The following NTM variants were observed in gnomAD, a reference collection of about 807,000 sequenced individuals.
The protein encoded by NTM is IgLON family member 2.
In NTM, 13 loss-of-function variants were observed where a neutral mutation model predicts 42.1. That is an observed-to-expected ratio of 0.31 (90% confidence interval 0.20 to 0.49). NTM has a LOEUF of 0.49. NTM is among the 20% of genes least tolerant of loss of function. The probability of loss-of-function intolerance (pLI) is 0.99; values close to 1 mark genes in which losing one functional copy is unlikely to be tolerated. For synonymous variants in NTM, 187 were observed against 179.2 expected (o/e 1.04, Z -0.35); for missense variants, 373 against 452.8 (o/e 0.82, Z 1.60).
intron 2 of NTM, among the ~76,000 whole-genome samples, chr11:132,084,580 G>C (rs964039676): frequency 6.6e-6 from 1 of 152,122 alleles, no homozygotes; most frequent in African/African-American, 2.4e-5. Context: ...GTTAAATATG[G>C]TAGAGGTTTA....
intron 1 of NTM, among the ~76,000 whole-genome samples, chr11:131,633,313 CT>C: frequency 6.6e-6 from 1 of 152,240 alleles, no homozygotes; most frequent in Admixed American, 6.5e-5. Context: ...TTACCCATCC[CT>C]TATGTCCCAT....
At chr11:131,773,050 A>G (rs1480528272) in intron 1 of NTM, among the ~76,000 whole-genome samples, 1 of 152,260 alleles carries the variant, frequency 6.6e-6, no homozygotes, top group East Asian at 1.9e-4. Flanking sequence ...CCCTGATGTT[A>G]GAACAAAATA....
At chr11:131,371,229 C>T (rs937178026) in intron 1 of NTM, among the ~76,000 whole-genome samples, 5 of 152,154 alleles carry the variant, frequency 3.3e-5, no homozygotes, top group African/African-American at 7.2e-5. Context: ...ATGACAGATT[C>T]GGAGGGCAAC....
chr11:131,613,737 A>G (rs1472932754), intron 1 of NTM, among the ~76,000 whole-genome samples: 1 of 152,006 alleles, frequency 6.6e-6, no homozygotes, highest in Non-Finnish European at 1.5e-5. Context: ...TTCACAGGAG[A>G]CGTGGAGACT....
chr11:131,939,293 C>G (rs1345164983), intron 2 of NTM, among the ~76,000 whole-genome samples: 1 of 151,978 alleles, frequency 6.6e-6, no homozygotes, highest in Non-Finnish European at 1.5e-5. Context: ...AGACAGTGAC[C>G]GATTTTGTGG....
intron 1 of NTM, among the ~76,000 whole-genome samples, chr11:131,437,754 G>T (rs561732959): frequency 5.3e-4 from 81 of 152,300 alleles, no homozygotes; most frequent in Middle Eastern, 6.8e-3. Flanking sequence ...GCCAGTGTGT[G>T]CCTTTTAAGT....
intron 1 of NTM, among the ~76,000 whole-genome samples, chr11:131,821,608 C>T (rs2093191072): frequency 6.6e-6 from 1 of 152,218 alleles, no homozygotes; most frequent in African/African-American, 2.4e-5. Context: ...ATCACGTAAA[C>T]AAAGCAAAGC....
intron 1 of NTM, among the ~76,000 whole-genome samples, chr11:131,613,047 C>T (rs73590419): frequency 0.038 from 5,774 of 152,338 alleles, 317 homozygotes; most frequent in African/African-American, 0.13. Context: ...ATGTGTGCTG[C>T]ACTTCCGTGT....
intron 1 of NTM, among the ~76,000 whole-genome samples, chr11:131,671,023 G>C (rs1056259219): frequency 1.1e-4 from 16 of 152,190 alleles, no homozygotes; most frequent in Non-Finnish European, 2.4e-4. Context: ...CTCCTGCTCT[G>C]TCCTTTCTCA....
chr11:131,804,886 C>T (rs1325134444), intron 1 of NTM, among the ~76,000 whole-genome samples: 1 of 152,028 alleles, frequency 6.6e-6, no homozygotes, highest in African/African-American at 2.4e-5. Context: ...GACTCTTTTT[C>T]GCCCCTTCTG....
At chr11:131,672,150 T>C (rs789534) in intron 1 of NTM, among the ~76,000 whole-genome samples, 152,176 of 152,342 alleles carry the variant, frequency 1, 76,005 homozygotes, top group Middle Eastern at 1. Flanking sequence ...TCTTGGCAGG[T>C]GTGGGAGGAA....
chr11:132,217,510 A>C (rs1055154629), intron 4 of NTM, among the ~76,000 whole-genome samples: 1 of 151,940 alleles, frequency 6.6e-6, no homozygotes, highest in Non-Finnish European at 1.5e-5. Context: ...AGATCAAAAG[A>C]GATCTTCCCT....
intron 3 of NTM, among the ~76,000 whole-genome samples, chr11:132,181,936 A>G (rs2077632690): frequency 6.8e-6 from 1 of 147,052 alleles, no homozygotes; most frequent in African/African-American, 2.5e-5. Flanking sequence ...AGATTTCAAA[A>G]TGGAGTCACA....
chr11:132,312,085 C>T (rs1474548216), intron 6 of NTM, among the ~76,000 whole-genome samples: 2 of 152,196 alleles, frequency 1.3e-5, no homozygotes, highest in African/African-American at 4.8e-5. Context: ...AGTGTGCTGG[C>T]ATGAGACAGG....
intron 2 of NTM, among the ~76,000 whole-genome samples, chr11:132,008,207 C>T (rs369092292): frequency 8.1e-4 from 123 of 152,200 alleles, no homozygotes; most frequent in African/African-American, 2.3e-3. Flanking sequence ...AGAGAACAAA[C>T]GCTCACTTTA....
At chr11:131,813,033 C>T (rs1331619143) in intron 1 of NTM, among the ~76,000 whole-genome samples, 1 of 152,170 alleles carries the variant, frequency 6.6e-6, no homozygotes, top group Non-Finnish European at 1.5e-5. Flanking sequence ...ATGGCTTTGC[C>T]TTTAGTGAGT....
intron 2 of NTM, among the ~76,000 whole-genome samples, chr11:132,127,895 G>T (rs974523423): frequency 2.6e-5 from 4 of 152,224 alleles, no homozygotes; most frequent in African/African-American, 9.6e-5. Context: ...CCAGAGCCAA[G>T]CTCTTGTCTT....
At chr11:131,651,730 A>G (rs866022115) in intron 1 of NTM, among the ~76,000 whole-genome samples, 1 of 152,148 alleles carries the variant, frequency 6.6e-6, no homozygotes, top group African/African-American at 2.4e-5. Flanking sequence ...ACTCCCAGCT[A>G]CTTGGGAGGC....
At chr11:132,147,844 G>C (rs542865535) in intron 3 of NTM, among the ~76,000 whole-genome samples, 17 of 152,260 alleles carry the variant, frequency 1.1e-4, no homozygotes, top group Admixed American at 3.3e-4. Flanking sequence ...AGAATAGGAA[G>C]GAAGGCAGCT....
Sources: gnomAD v4.1 joint callset for allele counts (sites outside exome capture counted in the v4.1 genomes callset) on GRCh38, gnomAD v4.1.1 for gene constraint, MANE v1.5 for transcripts, NCBI Gene and HGNC (gene_info 2026-07-23, HGNC 2026-07-21) for gene names.